The following CELF2 variants were observed in gnomAD, a reference collection of about 807,000 sequenced individuals.
CELF2 encodes CUG triplet repeat RNA-binding protein 2.
In CELF2, 8 loss-of-function variants were observed where a neutral mutation model predicts 62.6. That is an observed-to-expected ratio of 0.13 (90% CI 0.07 to 0.23). The LOEUF (loss-of-function observed/expected upper bound fraction) is 0.23. CELF2 is among the 10% of genes least tolerant of loss of function. The pLI, the probability that CELF2 is intolerant of heterozygous loss-of-function variation, is 1.00. For missense variants in CELF2, 333 were observed against 671.0 expected (o/e 0.50, Z 5.56); for synonymous variants, 258 against 250.0 (o/e 1.03, Z -0.30).
chr10:10,550,315 C>T, the CELF2 span, among the ~76,000 whole-genome samples: 1 of 152,052 alleles, frequency 6.6e-6, no homozygotes, highest in Non-Finnish European at 1.5e-5. Flanking sequence ...ACTGAGGATG[C>T]GGAAGAGGAA....
In CELF2 at chr10:11,314,076, C is replaced by T. The variant is rs1268085647; in HGVS notation, c.977-63C>T. The T allele has an allele frequency of 2.7e-6, 4 of 1,505,384 alleles. No homozygotes were observed. In the Admixed American group the frequency reaches 7.0e-5, roughly 26 times the overall value. The allele number at this position is 1,505,384 out of a possible 1,614,324, so 93.3% of individuals were successfully genotyped here. A position where few individuals can be genotyped will look rare whatever the true frequency, so the allele number is the denominator to read the frequency against. ...CACTGAGATGATGACAGAAGGATTTCCAGTCTCGGCTCTCACTCACCTCGT... is the reference window on the plus strand; with the variant it reads ...CACTGAGATGATGACAGAAGGATTTTCAGTCTCGGCTCTCACTCACCTCGT... On this transcript the variant is annotated intron_variant, in intron 9 of 12. Transcript: ENST00000633077. The surrounding 1 kb of genome is among the most constrained non-coding windows in gnomAD (Gnocchi z 5.3).
At chr10:11,192,107 C>G (rs1029714990) in intron 2 of CELF2, among the ~76,000 whole-genome samples, 1 of 152,224 alleles carries the variant, frequency 6.6e-6, no homozygotes, top group African/African-American at 2.4e-5. Flanking sequence ...ACCTGCTCAG[C>G]TGTGCACCCC....
chr10:11,271,109 T>A (rs1308763704), intron 7 of CELF2, among the ~76,000 whole-genome samples: 1 of 152,242 alleles, frequency 6.6e-6, no homozygotes, highest in Non-Finnish European at 1.5e-5. Context: ...ATGCAGCTGA[T>A]GATGTAACGA....
At chr10:10,915,426 G>T (rs1462478053) in intron 1 of CELF2, among the ~76,000 whole-genome samples, 1 of 152,078 alleles carries the variant, frequency 6.6e-6, no homozygotes, top group Non-Finnish European at 1.5e-5. Flanking sequence ...TTGTTTTTGA[G>T]ATAAGATCTT....
chr10:10,506,540 C>T, the CELF2 span, among the ~76,000 whole-genome samples: 9 of 152,192 alleles, frequency 5.9e-5, no homozygotes, highest in South Asian at 2.1e-4. Flanking sequence ...TCTGTTTTCC[C>T]TTAAGAAAGA....
At position 11,177,122 on chromosome 10, in the gene CELF2, A is replaced by G. The variant is rs1230804356; in HGVS notation, c.271+11440A>G. Among the ~76,000 whole-genome samples, 1 of 152,180 alleles carries G rather than the reference A, an allele frequency of 6.6e-6. No homozygotes were observed. Among genetic ancestry groups the G allele is most frequent in the Non-Finnish European group, 1.5e-5 (1 of 68,026 alleles). On this transcript the variant is annotated intron_variant, in intron 2 of 12. Coordinates refer to ENST00000633077, the MANE Select transcript of CELF2 (RefSeq NM_001326342.2). The surrounding 1 kb of genome is among the most constrained non-coding windows in gnomAD (Gnocchi z 4.8). ...GGTTATTAGAAGACTCGCAACTTAG[A>G]AAAGGAAGTAAACATGTTAATACTA...
chr10:11,329,320 TCCTTTTAC>T lies in CELF2; in HGVS notation c.*269_*276del, dbSNP rs1375700090. The T allele has an allele frequency of 1.9e-5, 5 of 267,774 alleles. No homozygotes were observed. The highest frequency in any genetic ancestry group is 2.8e-5 in the Non-Finnish European group (4 of 143,946). The allele number at this position is 267,774 out of a possible 1,614,324, so 16.6% of individuals were successfully genotyped here. A position where few individuals can be genotyped will look rare whatever the true frequency, so the allele number is the denominator to read the frequency against. On this transcript the variant is annotated 3_prime_UTR_variant, in exon 13 of 13. Transcript: ENST00000633077. This position sits in a 1 kb window ranked among gnomAD's most constrained non-coding sequence, Gnocchi z 5.5. ...TCTCCTTTGTTTTGCGATTTGAATC[TCCTTTTAC>T]CTTTTTTTTTAATTTTTTTCATTTT...
Position 11,319,563 on chromosome 10 carries a change from T to C in CELF2, c.1097-1626T>C, listed in dbSNP as rs79448168. 6.6e-6 allele frequency among the ~76,000 whole-genome samples: 1 copy of C among 152,152 alleles called. No individual in the cohort carries two copies. Among genetic ancestry groups the C allele is most frequent in the Non-Finnish European group, 1.5e-5 (1 of 68,022 alleles). On this transcript the variant is annotated intron_variant, in intron 10 of 12. Coordinates refer to ENST00000633077, the MANE Select transcript of CELF2 (RefSeq NM_001326342.2). The surrounding 1 kb of genome is among the most constrained non-coding windows in gnomAD (Gnocchi z 4.4). Reference sequence around the variant, plus strand: ...TTAATGAAAATCTCAATGATTTTCATTAATAGATAGACCCCTTCATAATGA... The same window carrying C: ...TTAATGAAAATCTCAATGATTTTCACTAATAGATAGACCCCTTCATAATGA...
At chr10:10,478,456 C>A in the CELF2 span, among the ~76,000 whole-genome samples, 1 of 151,810 alleles carries the variant, frequency 6.6e-6, no homozygotes, top group African/African-American at 2.4e-5. Context: ...TTGATAGCAT[C>A]TGATGCAGTT....
chr10:10,530,326 T>C, the CELF2 span, among the ~76,000 whole-genome samples: 2 of 152,260 alleles, frequency 1.3e-5, no homozygotes, highest in African/African-American at 4.8e-5. Context: ...AAAGGATTAA[T>C]TTCTTAATTA....
intron 2 of CELF2, chr10:10,935,063 A>AT (rs1384327652): frequency 6.6e-6 from 1 of 152,036 alleles, no homozygotes; most frequent in Admixed American, 6.6e-5. Context: ...CTCAATTGCC[A>AT]TTTTTTCCTG....
chr10:10,949,648 A>G (rs1843839395), intron 2 of CELF2, among the ~76,000 whole-genome samples: 1 of 151,846 alleles, frequency 6.6e-6, no homozygotes, highest in South Asian at 2.1e-4. Context: ...CAAAAAAAAA[A>G]AAATTAGCCA....
chr10:10,670,778 C>T, the CELF2 span, among the ~76,000 whole-genome samples: 8 of 152,200 alleles, frequency 5.3e-5, no homozygotes, highest in African/African-American at 1.7e-4. Flanking sequence ...GACAACCACA[C>T]TAATCTTTTT....
intron 1 of CELF2, among the ~76,000 whole-genome samples, chr10:10,832,329 G>C (rs1443873918): frequency 6.6e-6 from 1 of 152,048 alleles, no homozygotes; most frequent in East Asian, 1.9e-4. Context: ...AGAACAATTT[G>C]GAGAACTTTG....
chr10:11,077,781 A>T (rs538710427), intron 1 of CELF2, among the ~76,000 whole-genome samples: 1 of 152,194 alleles, frequency 6.6e-6, no homozygotes, highest in Non-Finnish European at 1.5e-5. Context: ...CATACAGTGC[A>T]CATAAACATA....
intron 1 of CELF2, among the ~76,000 whole-genome samples, chr10:10,859,678 A>C (rs1439903477): frequency 1.3e-5 from 2 of 152,178 alleles, no homozygotes; most frequent in African/African-American, 2.4e-5. Context: ...TAAGTGGTTT[A>C]TTCGAAGATC....
the CELF2 span, among the ~76,000 whole-genome samples, chr10:10,649,098 G>A: frequency 6.6e-6 from 1 of 152,188 alleles, no homozygotes; most frequent in African/African-American, 2.4e-5. Context: ...ACGGGCACTG[G>A]TCTAAAGAAA....
chr10:11,322,011 A>G (rs1442263457), intron 11 of CELF2, among the ~76,000 whole-genome samples: 2 of 152,204 alleles, frequency 1.3e-5, no homozygotes, highest in Non-Finnish European at 2.9e-5. Context: ...AAACTACTTC[A>G]TAGCTGCTGA....
At chr10:11,019,661 A>G (rs1306355797) in intron 1 of CELF2, among the ~76,000 whole-genome samples, 3 of 152,192 alleles carry the variant, frequency 2.0e-5, no homozygotes, top group African/African-American at 7.2e-5. Context: ...TTGAGTCAAT[A>G]TTAAGAATGT....
Sources: allele counts gnomAD v4.1 joint callset (sites outside exome capture counted in the v4.1 genomes callset), GRCh38; gene constraint gnomAD v4.1.1; non-coding constraint Gnocchi (gnomAD v3.1); transcripts MANE v1.5; gene names NCBI Gene and HGNC (gene_info 2026-07-23, HGNC 2026-07-21).